Variants in KPNA5 observed in about 807,000 individuals in gnomAD.
KPNA5 encodes importin subunit alpha-6.
KPNA5 carries 46 observed loss-of-function variants against 71.3 expected under a neutral mutation model. The ratio of observed to expected loss-of-function variants is 0.65; its 90% CI spans 0.51 to 0.83. KPNA5 has a LOEUF of 0.83. KPNA5 is among the 40% of genes least tolerant of loss of function. The probability of loss-of-function intolerance (pLI) is 0.00; values close to 1 mark genes in which losing one functional copy is unlikely to be tolerated. For synonymous variants in KPNA5, 207 were observed against 201.4 expected, an observed-to-expected ratio of 1.03 and a Z score of -0.24; for missense variants, 547 against 628.3, an observed-to-expected ratio of 0.87 and a Z score of 1.38.
rs1291381260 is a variant in KPNA5, at chr6:116,737,151, G to T, written c.*4828G>T. 1 of 151,882 alleles carries T rather than the reference G, an allele frequency of 6.6e-6. No individual in the cohort carries two copies. Among genetic ancestry groups the T allele is most frequent in the African/African-American group, 2.4e-5 (1 of 41,404 alleles). 9.4% of individuals were successfully genotyped at this position (151,882 alleles called of 1,614,324 possible). Reference sequence around the variant, plus strand: ...AGGGGAAAAAATGTGATCCTTTAAAGGCTTGCTTTTAAACTTTGTAAGGCA... The same window carrying T: ...AGGGGAAAAAATGTGATCCTTTAAATGCTTGCTTTTAAACTTTGTAAGGCA... On this transcript the variant is annotated 3_prime_UTR_variant, in exon 14 of 14. Transcript: ENST00000368564.
chr6:116,687,942 G>T (rs1777655369), intron 1 of KPNA5, among the ~76,000 whole-genome samples: 1 of 152,128 alleles, frequency 6.6e-6, no homozygotes, highest in Non-Finnish European at 1.5e-5. Context: ...TTTCACAGCT[G>T]CATTATAGGA....
intron 9 of KPNA5, among the ~76,000 whole-genome samples, chr6:116,723,488 T>C (rs1029127486): frequency 2.3e-4 from 35 of 152,104 alleles, no homozygotes; most frequent in African/African-American, 8.4e-4. Context: ...CTGAGAAAAA[T>C]GTAAGATGAA....
At chr6:116,686,544 T>C (rs897319351) in intron 1 of KPNA5, among the ~76,000 whole-genome samples, 3 of 152,220 alleles carry the variant, frequency 2.0e-5, no homozygotes, top group African/African-American at 4.8e-5. Flanking sequence ...GCAGGAGCTC[T>C]TAAGTTTAAT....
In KPNA5 at chr6:116,739,977, A is replaced by G. The variant is rs1353988489; in HGVS notation, c.*7654A>G. On this transcript the variant is annotated 3_prime_UTR_variant, in exon 14 of 14. Coordinates refer to ENST00000368564, the MANE Select transcript of KPNA5 (RefSeq NM_001366306.2). ...CTAAAACACCAAAAGCAATGGCAAC[A>G]AAAGCCAAAATTGACAAATGGGATG... 1 of 152,156 alleles carries G rather than the reference A, an allele frequency of 6.6e-6. No individual in the cohort carries two copies. Among genetic ancestry groups the G allele is most frequent in the Non-Finnish European group, 1.5e-5 (1 of 68,086 alleles). The allele number at this position is 152,156 out of a possible 1,614,324, so 9.4% of individuals were successfully genotyped here.
chr6:116,699,800 TTGAA>T (rs994287214), intron 5 of KPNA5, among the ~76,000 whole-genome samples: 1 of 152,154 alleles, frequency 6.6e-6, no homozygotes, highest in African/African-American at 2.4e-5. Context: ...TTAATTCCAA[TTGAA>T]TGAAAGAAGA....
chr6:116,701,214 GTTAT>G (rs1231038126), intron 5 of KPNA5, among the ~76,000 whole-genome samples: 1 of 152,000 alleles, frequency 6.6e-6, no homozygotes, highest in African/African-American at 2.4e-5. Flanking sequence ...TACGTGAAAA[GTTAT>G]TTATGTGAAA....
In KPNA5 at chr6:116,735,399, G is replaced by A. The variant is rs1779636814; in HGVS notation, c.*3076G>A. The A allele has an allele frequency of 6.6e-6, 1 of 151,638 alleles. No homozygotes were observed. Among genetic ancestry groups the A allele is most frequent in the Non-Finnish European group, 1.5e-5 (1 of 67,690 alleles). The allele number at this position is 151,638 out of a possible 1,614,324, so 9.4% of individuals were successfully genotyped here. A position where few individuals can be genotyped will look rare whatever the true frequency, so the allele number is the denominator to read the frequency against. On this transcript the variant is annotated 3_prime_UTR_variant, in exon 14 of 14. Coordinates refer to ENST00000368564, the MANE Select transcript of KPNA5 (RefSeq NM_001366306.2). ...ATCTACTGGCTGCTTGCGAAACTGT[G>A]AAATCAAATTGTTCTTAACCTTTAT...
chr6:116,698,626 G>T, intron 4 of KPNA5, 78 bp from the exon 5 acceptor site: 1 of 749,778 alleles, frequency 1.3e-6, no homozygotes, highest in Non-Finnish European at 2.2e-6. Context: ...TATTTTATGT[G>T]CCCTGTTAAT....
chr6:116,681,607 C>A, intron 1 of KPNA5: 1 of 1,090,854 alleles, frequency 9.2e-7, no homozygotes, highest in Non-Finnish European at 1.2e-6. Flanking sequence ...CTGGTCTCAT[C>A]TTCGCCGCCC....
At chr6:116,711,711 A>G (rs1778696489) in intron 7 of KPNA5, among the ~76,000 whole-genome samples, 1 of 152,178 alleles carries the variant, frequency 6.6e-6, no homozygotes, top group South Asian at 2.1e-4. Flanking sequence ...ATCAGAGCTC[A>G]AGTGATCTGC....
chr6:116,714,904 C>T (rs1778826664), intron 7 of KPNA5, among the ~76,000 whole-genome samples: 1 of 152,184 alleles, frequency 6.6e-6, no homozygotes, highest in Admixed American at 6.5e-5. Flanking sequence ...GAACCAGGAA[C>T]CCACAGTGAG....
chr6:116,693,185 G>A (rs1192700114), intron 4 of KPNA5, among the ~76,000 whole-genome samples: 5 of 152,204 alleles, frequency 3.3e-5, no homozygotes, highest in Admixed American at 6.5e-5. Flanking sequence ...GAATAGTGCC[G>A]CAATGAACAT....
At chr6:116,703,652 T>C (rs1778318293) in intron 6 of KPNA5, among the ~76,000 whole-genome samples, 1 of 152,190 alleles carries the variant, frequency 6.6e-6, no homozygotes, top group African/African-American at 2.4e-5. Flanking sequence ...CAACAGAATA[T>C]TATATTCCAC....
At chr6:116,714,721 T>G (rs976765524) in intron 7 of KPNA5, among the ~76,000 whole-genome samples, 5 of 152,218 alleles carry the variant, frequency 3.3e-5, no homozygotes, top group Admixed American at 2.6e-4. Flanking sequence ...ATTTGCCTTT[T>G]AATGTTTTTG....
chr6:116,725,906 C>G (rs1779270254), intron 11 of KPNA5, 30 bp downstream of exon 11: 2 of 1,596,678 alleles, frequency 1.3e-6, no homozygotes. Context: ...GAGAGTAGAA[C>G]AGCAAGGTCT....
chr6:116,685,696 AT>A (rs1777554350), intron 1 of KPNA5, among the ~76,000 whole-genome samples: 1 of 152,066 alleles, frequency 6.6e-6, no homozygotes, highest in Admixed American at 6.6e-5. Context: ...ACTGATGGGC[AT>A]TTAGGTTGAT....
At chr6:116,683,896 C>G (rs568827414) in intron 1 of KPNA5, among the ~76,000 whole-genome samples, 1 of 59,540 alleles carries the variant, frequency 1.7e-5, no homozygotes, top group African/African-American at 4.9e-5. Flanking sequence ...CGTGCCCGGC[C>G]TTTTTTTTTT....
intron 9 of KPNA5, 136 bp from the exon 10 acceptor site, chr6:116,724,161 G>T: frequency 1.7e-6 from 1 of 577,720 alleles, no homozygotes; most frequent in Non-Finnish European, 3.2e-6. Flanking sequence ...TTGTTATAAA[G>T]ATTATCAGAA....
intron 8 of KPNA5, among the ~76,000 whole-genome samples, chr6:116,716,868 A>G (rs1362220377): frequency 6.6e-6 from 1 of 152,124 alleles, no homozygotes; most frequent in Non-Finnish European, 1.5e-5. Flanking sequence ...GCACTAAGAG[A>G]AGTTTAAACT....
Sources: allele counts gnomAD v4.1 joint callset (sites outside exome capture counted in the v4.1 genomes callset), GRCh38; gene constraint gnomAD v4.1.1; transcripts MANE v1.5; gene names NCBI Gene and HGNC (gene_info 2026-07-23, HGNC 2026-07-21).